MYO10: variants seen among roughly 807,000 people sequenced by gnomAD.
MYO10 encodes unconventional myosin-X.
In MYO10, 133 loss-of-function variants were observed where a neutral mutation model predicts 257.3. The observed-to-expected ratio is 0.52, with a 90% CI of 0.45 to 0.60. MYO10 has a LOEUF of 0.60. Ranked by LOEUF, MYO10 falls within the 20% of genes least tolerant of loss-of-function variation. The probability of loss-of-function intolerance (pLI) is 0.00; values close to 1 mark genes in which losing one functional copy is unlikely to be tolerated. For missense variants in MYO10, 2,399 were observed against 2,635.7 expected, an observed-to-expected ratio of 0.91 and a Z score of 1.97; for synonymous variants, 1,104 against 1,028.6, an observed-to-expected ratio of 1.07 and a Z score of -1.40.
At chr5:16,935,669 A>G (rs1746420238) in intron 1 of MYO10, 119 bp downstream of exon 1, 1 of 1,168,624 alleles carries the variant, frequency 8.6e-7, no homozygotes, top group East Asian at 2.4e-5. Flanking sequence ...ATTTCAGGAG[A>G]CTCCCAGAAA....
intron 19 of MYO10, among the ~76,000 whole-genome samples, chr5:16,748,686 G>A (rs1199376192): frequency 3.9e-5 from 6 of 152,058 alleles, no homozygotes; most frequent in Admixed American, 3.3e-4. Flanking sequence ...ATAAATCCCC[G>A]GGAGGAAATG....
chr5:16,759,415 G>A (rs771330222), intron 17 of MYO10, among the ~76,000 whole-genome samples: 3 of 151,962 alleles, frequency 2.0e-5, no homozygotes, highest in South Asian at 2.1e-4. Flanking sequence ...TTTTGTTCTC[G>A]GGTGCTCTTT....
intron 1 of MYO10, among the ~76,000 whole-genome samples, chr5:16,881,060 G>A (rs189567029): frequency 1.3e-5 from 2 of 152,242 alleles, no homozygotes; most frequent in Admixed American, 1.3e-4. Flanking sequence ...TTACTCATTA[G>A]GTTAAAATCA....
intron 1 of MYO10, among the ~76,000 whole-genome samples, chr5:16,920,182 G>A (rs542289705): frequency 6.6e-6 from 1 of 152,140 alleles, no homozygotes; most frequent in South Asian, 2.1e-4. Context: ...TCTGAGGCAG[G>A]AGAATCACTT....
At chr5:16,787,849 G>A (rs1741634544) in intron 4 of MYO10, among the ~76,000 whole-genome samples, 1 of 152,090 alleles carries the variant, frequency 6.6e-6, no homozygotes, top group South Asian at 2.1e-4. Context: ...CCAGGCTGGA[G>A]TGCAGTGGCG....
intron 4 of MYO10, among the ~76,000 whole-genome samples, chr5:16,791,363 C>T (rs962592708): frequency 6.6e-6 from 1 of 152,114 alleles, no homozygotes. Flanking sequence ...AAAACTAAAA[C>T]ACATTTTAAT....
chr5:16,876,096 G>C lies in MYO10; in HGVS notation c.120+1513C>G, dbSNP rs538893436. 1.8e-4 allele frequency among the ~76,000 whole-genome samples: 27 copies of C among 152,208 alleles called. 1 individual carries two copies. The highest frequency in any genetic ancestry group is 7.9e-4 in the Admixed American group (12 of 15,276). On this transcript the variant is annotated intron_variant, in intron 2 of 40. Transcript: ENST00000513610. ...CCACTGCACTCCAGGCTGGGCAACA[G>C]AGCAAGAATCCATCTCAGAAAATAA...
chr5:16,725,329 T>C (rs1739318640), intron 19 of MYO10, among the ~76,000 whole-genome samples: 1 of 151,848 alleles, frequency 6.6e-6, no homozygotes, highest in Non-Finnish European at 1.5e-5. Flanking sequence ...CTCCTGACCT[T>C]GTGATCTGCC....
chr5:16,729,118 G>C (rs1024406874), intron 19 of MYO10, among the ~76,000 whole-genome samples: 1 of 152,102 alleles, frequency 6.6e-6, no homozygotes, highest in Admixed American at 6.5e-5. Flanking sequence ...TGTTCTAGAA[G>C]GTACTAAGGT....
chr5:16,745,802 C>T (rs1740176988), intron 19 of MYO10, among the ~76,000 whole-genome samples: 1 of 152,134 alleles, frequency 6.6e-6, no homozygotes. Flanking sequence ...GGAGGATGAT[C>T]CCTTTATGTA....
At chr5:16,790,214 A>G (rs1741712050) in intron 4 of MYO10, among the ~76,000 whole-genome samples, 1 of 152,042 alleles carries the variant, frequency 6.6e-6, no homozygotes, top group South Asian at 2.1e-4. Context: ...AAAACACACA[A>G]AGCAAGCAAA....
intron 19 of MYO10, among the ~76,000 whole-genome samples, chr5:16,716,422 A>G (rs1738875110): frequency 6.6e-6 from 1 of 151,706 alleles, no homozygotes; most frequent in Non-Finnish European, 1.5e-5. Flanking sequence ...GAAGACAGAA[A>G]TGCATTTATT....
chr5:16,783,281 A>G lies in MYO10; in HGVS notation c.602+54T>C, dbSNP rs541558169. ...ATTTTAACTCTTCTTTAAATAAGCC[A>G]TACCATAAGGAAAGTGAATCCTATT... is the stretch of plus-strand genomic sequence containing the variant. On this transcript the variant is annotated intron_variant, in intron 5 of 40. Coordinates refer to ENST00000513610, the MANE Select transcript of MYO10 (RefSeq NM_012334.3). 3.4e-5 allele frequency: 50 copies of G among 1,477,498 alleles called. No homozygotes were observed. In the South Asian group the frequency reaches 6.5e-4, roughly 19 times the overall value. The allele number at this position is 1,477,498 out of a possible 1,614,324, so 91.5% of individuals were successfully genotyped here.
chr5:16,717,212 T>C (rs1738912069), intron 19 of MYO10, among the ~76,000 whole-genome samples: 1 of 152,228 alleles, frequency 6.6e-6, no homozygotes, highest in South Asian at 2.1e-4. Context: ...TCCTGAAAAC[T>C]AGCATGTAAA....
intron 19 of MYO10, 106 bp from the exon 20 acceptor site, chr5:16,711,351 C>G (rs1738605588): frequency 1.7e-5 from 19 of 1,150,470 alleles, no homozygotes; most frequent in Non-Finnish European, 2.0e-5. Context: ...CGCTTCAAAA[C>G]ACATACGAGA....
At chr5:16,792,025 A>C (rs1246380457) in intron 4 of MYO10, among the ~76,000 whole-genome samples, 1 of 152,036 alleles carries the variant, frequency 6.6e-6, no homozygotes, top group African/African-American at 2.4e-5. Flanking sequence ...ATGGCCCAAC[A>C]CATTATTAGT....
At chr5:16,711,287 A>C (rs914865515) in intron 19 of MYO10, 42 bp from the exon 20 acceptor site, 2 of 1,577,834 alleles carry the variant, frequency 1.3e-6, no homozygotes, top group African/African-American at 2.7e-5. Context: ...CATTAGAAAA[A>C]ATGGAATTCG....
intron 2 of MYO10, among the ~76,000 whole-genome samples, chr5:16,855,603 C>A (rs1458205002): frequency 6.6e-6 from 1 of 152,204 alleles, no homozygotes; most frequent in African/African-American, 2.4e-5. Context: ...ACAGGATTTG[C>A]CCTTTACAAA....
At position 16,851,848 on chromosome 5, in the gene MYO10, A is replaced by C. The variant is rs530731175; in HGVS notation, c.120+25761T>G. Reference sequence around the variant, plus strand: ...CGGGCAGATCACGAGGTCAGGAGTTAGAGACCAGCCTGGCCAACATGATGA... The same window carrying C: ...CGGGCAGATCACGAGGTCAGGAGTTCGAGACCAGCCTGGCCAACATGATGA... On this transcript the variant is annotated intron_variant, in intron 2 of 40. Coordinates refer to ENST00000513610, the MANE Select transcript of MYO10 (RefSeq NM_012334.3). Among the ~76,000 whole-genome samples, 115 of 152,046 alleles carry C rather than the reference A, an allele frequency of 7.6e-4. 1 individual carries two copies. The highest frequency in any genetic ancestry group is 1.8e-3 in the Admixed American group (27 of 15,286).
Sources: gnomAD v4.1 joint callset for allele counts (sites outside exome capture counted in the v4.1 genomes callset) on GRCh38, gnomAD v4.1.1 for gene constraint, MANE v1.5 for transcripts, NCBI Gene and HGNC (gene_info 2026-07-23, HGNC 2026-07-21) for gene names.